IGSF5: variants seen among roughly 807,000 people sequenced by gnomAD.
IGSF5 encodes the protein immunoglobulin superfamily 5 like.
In IGSF5, 41 loss-of-function variants were observed where a neutral mutation model predicts 39.4. The observed-to-expected ratio is 1.04, with a 90% CI of 0.81 to 1.35. The LOEUF is 1.35. IGSF5 is among the 40% of genes most tolerant of loss of function. The pLI is 0.00. For missense variants in IGSF5, 487 were observed against 494.6 expected (o/e 0.98, Z 0.15); for synonymous variants, 183 against 175.3 (o/e 1.04, Z -0.34).
chr21:39,714,439 G>C, the IGSF5 span, among the ~76,000 whole-genome samples: 1 of 152,198 alleles, frequency 6.6e-6, no homozygotes, highest in African/African-American at 2.4e-5. Context: ...CTCTTACTCT[G>C]CAGAACAAGG....
At chr21:39,792,507 A>G (rs1395406298) in intron 7 of IGSF5, among the ~76,000 whole-genome samples, 1 of 151,660 alleles carries the variant, frequency 6.6e-6, no homozygotes, top group Non-Finnish European at 1.5e-5. Context: ...GTGCACATGT[A>G]CCCTAGAACT....
At chr21:39,751,527 A>G (rs2080005498) in intron 2 of IGSF5, 1 of 134,486 alleles carries the variant, frequency 7.4e-6, no homozygotes, top group Non-Finnish European at 1.6e-5. Flanking sequence ...GAAGTTCAGA[A>G]TTTCTGGATG....
upstream of IGSF5, among the ~76,000 whole-genome samples, chr21:39,741,760 A>C (rs1397959124): frequency 3.9e-5 from 6 of 152,196 alleles, no homozygotes. Flanking sequence ...ACAGGGATGC[A>C]GAAAAAGGCA....
intron 2 of IGSF5, among the ~76,000 whole-genome samples, chr21:39,759,170 A>G (rs2080048086): frequency 6.6e-6 from 1 of 152,246 alleles, no homozygotes; most frequent in South Asian, 2.1e-4. Context: ...AATAAAATGG[A>G]ATCAAATAGA....
the IGSF5 span, chr21:39,726,138 G>T: frequency 6.6e-6 from 1 of 152,274 alleles, no homozygotes; most frequent in Non-Finnish European, 1.5e-5. Context: ...TTAACTGTGT[G>T]TGGGTCTATG....
the IGSF5 span, chr21:39,730,261 C>G: frequency 6.6e-6 from 1 of 152,234 alleles, no homozygotes; most frequent in Non-Finnish European, 1.5e-5. Context: ...GTCTCTGTGC[C>G]TCTACCTCTG....
the IGSF5 span, among the ~76,000 whole-genome samples, chr21:39,738,077 T>C: frequency 1.3e-5 from 2 of 152,200 alleles, no homozygotes; most frequent in Non-Finnish European, 2.9e-5. The surrounding 1 kb of genome is among the most constrained non-coding windows in gnomAD (Gnocchi z 6.4). Context: ...TATCTATATA[T>C]CACACTTCTA....
chr21:39,738,279 G>A, the IGSF5 span, among the ~76,000 whole-genome samples: 12 of 152,234 alleles, frequency 7.9e-5, no homozygotes, highest in East Asian at 1.2e-3. The surrounding 1 kb of genome is among the most constrained non-coding windows in gnomAD (Gnocchi z 6.4). Context: ...AAGTGAAAGC[G>A]GAAACCCTTT....
At chr21:39,755,949 C>CAAAAAA (rs10624442) in intron 2 of IGSF5, among the ~76,000 whole-genome samples, 30 of 149,998 alleles carry the variant, frequency 2.0e-4, no homozygotes, top group African/African-American at 7.3e-4. Flanking sequence ...ACTAAAAATA[C>CAAAAAA]AAAAAAAATT....
At chr21:39,764,363 CAG>C (rs1417091561) in intron 2 of IGSF5, among the ~76,000 whole-genome samples, 3 of 152,262 alleles carry the variant, frequency 2.0e-5, no homozygotes, top group African/African-American at 2.4e-5. Flanking sequence ...TTTTTTTAGA[CAG>C]AGTCTTGCTC....
chr21:39,715,109 CTTTCTTTCTTTTCT>C, the IGSF5 span, among the ~76,000 whole-genome samples: 3 of 150,432 alleles, frequency 2.0e-5, no homozygotes, highest in South Asian at 2.1e-4. Flanking sequence ...CCTTCTCTTC[CTTTCTTTCTTTTCT>C]TTTCTTTCTT....
At chr21:39,785,376 G>T (rs569455709) in intron 5 of IGSF5, among the ~76,000 whole-genome samples, 2 of 152,242 alleles carry the variant, frequency 1.3e-5, no homozygotes, top group South Asian at 2.1e-4. Context: ...TAGATATGCG[G>T]TGTTATTTCT....
At position 39,765,843 on chromosome 21, in the gene IGSF5, A is replaced by C; in HGVS notation, c.409A>C (p.Thr137Pro). 2 of 1,611,918 alleles carry C rather than the reference A, an allele frequency of 1.2e-6. No homozygotes were observed. The highest frequency in any genetic ancestry group is 1.7e-6 in the Non-Finnish European group (2 of 1,178,404). Residue 137 changes from threonine to proline, a missense_variant, in exon 3 of 9, where the codon ACC becomes CCC. Transcript: ENST00000380588. ...NSRLHGSAYL[T>P]VQVMGELFIP... is the part of the protein sequence containing the mutation. Reference sequence around the variant, plus strand: ...TCGCCTGCATGGATCTGCTTACCTTACCGTCCAAGGTGTGTATGCAGGTGG... The same window carrying C: ...TCGCCTGCATGGATCTGCTTACCTTCCCGTCCAAGGTGTGTATGCAGGTGG...
chr21:39,786,874 T>C (rs1192690252), intron 5 of IGSF5, among the ~76,000 whole-genome samples: 4 of 151,620 alleles, frequency 2.6e-5, no homozygotes, highest in Non-Finnish European at 5.9e-5. Context: ...AACCAAACAC[T>C]GTGTATTCTC....
At chr21:39,776,220 T>C (rs1239676827) in intron 4 of IGSF5, among the ~76,000 whole-genome samples, 7 of 151,484 alleles carry the variant, frequency 4.6e-5, no homozygotes, top group African/African-American at 1.7e-4. Flanking sequence ...ATAAAATATA[T>C]ATTATATATG....
intron 2 of IGSF5, among the ~76,000 whole-genome samples, chr21:39,758,985 A>G (rs1041524971): frequency 6.6e-6 from 1 of 152,234 alleles, no homozygotes; most frequent in African/African-American, 2.4e-5. Flanking sequence ...TGAGACCAAG[A>G]GCATTCAGTG....
intron 2 of IGSF5, among the ~76,000 whole-genome samples, chr21:39,753,953 T>G (rs1208303648): frequency 1.3e-5 from 2 of 152,186 alleles, no homozygotes; most frequent in African/African-American, 4.8e-5. Flanking sequence ...ATTCTGCCAT[T>G]TTTAATCTTT....
At chr21:39,769,902 T>C (rs767349112) in intron 3 of IGSF5, among the ~76,000 whole-genome samples, 66 of 152,204 alleles carry the variant, frequency 4.3e-4, no homozygotes, top group Non-Finnish European at 8.4e-4. Flanking sequence ...CTCAATGCTT[T>C]TGAAGAGTGT....
chr21:39,718,813 T>C, the IGSF5 span, among the ~76,000 whole-genome samples: 2 of 152,292 alleles, frequency 1.3e-5, no homozygotes, highest in East Asian at 3.9e-4. Context: ...AAGTTTTCTT[T>C]TTTTGTTGTG....
Sources: gnomAD v4.1 joint callset for allele counts (sites outside exome capture counted in the v4.1 genomes callset) on GRCh38, gnomAD v4.1.1 for gene constraint, Gnocchi (gnomAD v3.1) non-coding constraint, MANE v1.5 for transcripts, NCBI Gene and HGNC (gene_info 2026-07-23, HGNC 2026-07-21) for gene names.